LRRC9: variants seen among roughly 807,000 people sequenced by gnomAD.
LRRC9 encodes the protein leucine-rich repeat-containing protein 9.
A neutral mutation model predicts 63.2 loss-of-function variants in LRRC9; 122 were observed. The ratio of observed to expected loss-of-function variants is 1.93; its 90% CI spans 1.67 to 2.24. LRRC9 has a LOEUF of 2.24. Among genes scored for constraint, LRRC9 ranks in the 30% most tolerant of loss-of-function variants. The probability of loss-of-function intolerance (pLI) is 0.00; values close to 1 mark genes in which losing one functional copy is unlikely to be tolerated. For synonymous variants in LRRC9, 366 were observed against 213.1 expected (o/e 1.72, Z -6.25); for missense variants, 1,071 against 627.7 (o/e 1.71, Z -7.55).
At position 59,938,010 on chromosome 14, in the gene LRRC9, A is replaced by G. The variant is rs1440085778; in HGVS notation, c.544-380A>G. ...ATGAAGAGGAGTGTTTCTAGGTGAT[A>G]AGTACAGGAAATAGGGGTGAAGAAA... On this transcript the variant is annotated intron_variant, in intron 6 of 31. Coordinates refer to ENST00000445360, the Ensembl canonical transcript of LRRC9. The surrounding 1 kb of genome is among the most constrained non-coding windows in gnomAD (Gnocchi z 4.2). Among the ~76,000 whole-genome samples the G allele has an allele frequency of 6.6e-6, 1 of 152,134 alleles. No homozygotes were observed. Among genetic ancestry groups the G allele is most frequent in the African/African-American group, 2.4e-5 (1 of 41,436 alleles).
chr14:60,029,528 G>A (rs1595063594), intron 28 of LRRC9, among the ~76,000 whole-genome samples: 5 of 152,172 alleles, frequency 3.3e-5, no homozygotes, highest in Admixed American at 3.3e-4. Context: ...TCTGCTAAGA[G>A]AATATCATAA....
At chr14:59,944,766 T>C in intron 8 of LRRC9, 22 bp downstream of exon 8, 1 of 641,954 alleles carries the variant, frequency 1.6e-6, no homozygotes. Context: ...TAATGTAAAA[T>C]CCCAGTGGCC....
chr14:60,063,212 T>C (rs1894768867), intron 31 of LRRC9, 111 bp from the exon 33 acceptor site: 2 of 631,598 alleles, frequency 3.2e-6, no homozygotes, highest in South Asian at 3.6e-5. Flanking sequence ...TTTTTGAAAT[T>C]GCGCACATCT....
In LRRC9 at chr14:59,956,151, GT is replaced by G. The variant is rs541507848; in HGVS notation, c.883-3666del. Among the ~76,000 whole-genome samples the G allele has an allele frequency of 3.8e-4, 58 of 152,160 alleles. No individual in the cohort carries two copies. The South Asian group carries it at 0.011, about 30-fold the overall frequency. On this transcript the variant is annotated intron_variant, in intron 8 of 31. Coordinates refer to ENST00000445360, the Ensembl canonical transcript of LRRC9. ...GGAGAGTTCTGTAAATGCCTATTAT[GT>G]CTGCTTGGTACAGAGCTAAGTTCAA... is the stretch of plus-strand genomic sequence containing the variant.
chr14:60,025,691 A>G (rs1314184198), intron 27 of LRRC9, among the ~76,000 whole-genome samples: 1 of 151,652 alleles, frequency 6.6e-6, no homozygotes, highest in East Asian at 1.9e-4. Context: ...AAAAAAAAAA[A>G]AAAGAAAGTG....
chr14:59,972,371 T>A (rs1422603485), intron 12 of LRRC9, among the ~76,000 whole-genome samples: 2 of 152,116 alleles, frequency 1.3e-5, no homozygotes, highest in Non-Finnish European at 2.9e-5. Flanking sequence ...AAAATACAAA[T>A]TTACATTCAT....
rs1884454350 is a variant in LRRC9 at position 59,962,560 on chromosome 14, C to T, written c.1211+1515C>T. ...CTAAGATTATAGGTGCATGCCACCACACCCACTAATTTTTGTATTTTTAGT... is the reference window on the plus strand; with the variant it reads ...CTAAGATTATAGGTGCATGCCACCATACCCACTAATTTTTGTATTTTTAGT... On this transcript the variant is annotated intron_variant, in intron 10 of 31. Transcript: ENST00000445360. This position sits in a 1 kb window ranked among gnomAD's most constrained non-coding sequence, Gnocchi z 5.1. Among the ~76,000 whole-genome samples the T allele has an allele frequency of 1.3e-5, 2 of 152,026 alleles. No homozygotes were observed. Among genetic ancestry groups the T allele is most frequent in the Non-Finnish European group, 2.9e-5 (2 of 68,012 alleles).
chr14:59,941,384 G>A (rs969418052), intron 7 of LRRC9, among the ~76,000 whole-genome samples: 2 of 151,356 alleles, frequency 1.3e-5, no homozygotes, highest in Admixed American at 6.6e-5. Flanking sequence ...AATAAAACTA[G>A]TATGTTTTAA....
chr14:60,019,033 A>T, intron 25 of LRRC9, 88 bp from the exon 26 acceptor site: 1 of 530,666 alleles, frequency 1.9e-6, no homozygotes, highest in Non-Finnish European at 3.3e-6. Context: ...CTAATATATT[A>T]TTAAATTATG....
Position 60,058,139 on chromosome 14 carries a change from T to C in LRRC9, c.4276+117T>C. 2.2e-6 allele frequency: 1 copy of C among 460,712 alleles called. No homozygotes were observed. The highest frequency in any genetic ancestry group is 3.9e-6 in the Non-Finnish European group (1 of 254,950). 28.5% of individuals were successfully genotyped at this position (460,712 alleles called of 1,614,324 possible). On this transcript the variant is annotated intron_variant, in intron 31 of 31. Coordinates refer to ENST00000445360, the Ensembl canonical transcript of LRRC9. This position sits in a 1 kb window ranked among gnomAD's most constrained non-coding sequence, Gnocchi z 4.4. ...GTTTTTAACTTACATTTCCTAAAAT[T>C]GCATGTTTGCTCAAGTTTCCTATGG...
chr14:60,025,959 T>C (rs1032605631), intron 27 of LRRC9, among the ~76,000 whole-genome samples: 1 of 152,106 alleles, frequency 6.6e-6, no homozygotes, highest in Non-Finnish European at 1.5e-5. Flanking sequence ...GATGTTTTTA[T>C]AATTTCATTG....
chr14:59,951,982 AGCCTACAGAGGCAGGCAG>A (rs1883183093), intron 8 of LRRC9, among the ~76,000 whole-genome samples: 1 of 151,794 alleles, frequency 6.6e-6, no homozygotes, highest in African/African-American at 2.4e-5. Flanking sequence ...CCAGAGGTGG[AGCCTACAGAGGCAGGCAG>A]GCCTCCTTGA....
rs1305611013 is a variant in LRRC9 at position 59,986,359 on chromosome 14, C to A, written c.2211+1135C>A. On this transcript the variant is annotated intron_variant, in intron 17 of 31. Coordinates refer to ENST00000445360, the Ensembl canonical transcript of LRRC9. This position sits in a 1 kb window ranked among gnomAD's most constrained non-coding sequence, Gnocchi z 4.7. The stretch of plus-strand genomic sequence containing the variant: ...TCTTATTCATTCTTTATTCCAGCTC[C>A]TTGCTACTATATCAAAGCCTTTACA... 1.3e-5 allele frequency among the ~76,000 whole-genome samples: 2 copies of A among 152,160 alleles called. No individual in the cohort carries two copies. Among genetic ancestry groups the A allele is most frequent in the African/African-American group, 4.8e-5 (2 of 41,448 alleles).
At chr14:60,055,268 A>G (rs950712402) in intron 30 of LRRC9, among the ~76,000 whole-genome samples, 5 of 152,230 alleles carry the variant, frequency 3.3e-5, no homozygotes, top group African/African-American at 9.6e-5. Context: ...TGGTTTCCAA[A>G]AAGAAATTTA....
intron 1 of LRRC9, among the ~76,000 whole-genome samples, chr14:59,925,817 G>A (rs1889161330): frequency 6.6e-6 from 1 of 152,102 alleles, no homozygotes; most frequent in African/African-American, 2.4e-5. Context: ...TCTGTAATAT[G>A]GTTTGGCTGT....
In LRRC9 at chr14:60,040,043, GGTT is replaced by G. The variant is rs973221966; in HGVS notation, c.3990+7984_3990+7986del. ...TGTACCCAGTAGTCATTCAGGAGCA[GGTT>G]GTTCAGTTTCCATGTAGTTGAGCGG... On this transcript the variant is annotated intron_variant, in intron 29 of 31. Transcript: ENST00000445360. Among the ~76,000 whole-genome samples the G allele has an allele frequency of 2.2e-4, 33 of 152,048 alleles. No individual in the cohort carries two copies. In the South Asian group the frequency reaches 6.8e-3, roughly 32 times the overall value.
intron 8 of LRRC9, among the ~76,000 whole-genome samples, chr14:59,953,716 T>G (rs1883417054): frequency 6.6e-6 from 1 of 152,232 alleles, no homozygotes; most frequent in Non-Finnish European, 1.5e-5. Context: ...TTTGGTGTTT[T>G]AGTCATGAAG....
Position 60,031,938 on chromosome 14 carries a change from A to T in LRRC9, c.3922-57A>T. On this transcript the variant is annotated intron_variant, in intron 28 of 31. Transcript: ENST00000445360. The surrounding 1 kb of genome is among the most constrained non-coding windows in gnomAD (Gnocchi z 4.6). ...ACATATAATTACTTCAAATTAGTCTATATTTTAAGATGTTGAGTCTAACCA... is the reference window on the plus strand; with the variant it reads ...ACATATAATTACTTCAAATTAGTCTTTATTTTAAGATGTTGAGTCTAACCA... The T allele has an allele frequency of 1.5e-6, 1 of 681,064 alleles. No individual in the cohort carries two copies. Among genetic ancestry groups the T allele is most frequent in the Admixed American group, 2.2e-5 (1 of 44,726 alleles). The allele number at this position is 681,064 out of a possible 1,614,324, so 42.2% of individuals were successfully genotyped here.
chr14:59,953,620 A>G (rs1883407163), intron 8 of LRRC9, among the ~76,000 whole-genome samples: 3 of 152,084 alleles, frequency 2.0e-5, no homozygotes, highest in Admixed American at 2.0e-4. Context: ...GGCCTGTTCA[A>G]TCTGATGATA....
Sources: allele counts gnomAD v4.1 joint callset (sites outside exome capture counted in the v4.1 genomes callset), GRCh38; gene constraint gnomAD v4.1.1; non-coding constraint Gnocchi (gnomAD v3.1); transcripts MANE v1.5; gene names NCBI Gene and HGNC (gene_info 2026-07-23, HGNC 2026-07-21).